CTDP1: variants seen among roughly 807,000 people sequenced by gnomAD.
CTDP1 encodes the protein RNA polymerase II subunit A C-terminal domain phosphatase.
CTDP1 carries 47 observed loss-of-function variants against 91.8 expected under a neutral mutation model. The ratio of observed to expected loss-of-function variants is 0.51; its 90% CI spans 0.41 to 0.65. The LOEUF (loss-of-function observed/expected upper bound fraction) is 0.65, where lower values mean the gene tolerates loss of function less well. Ranked by LOEUF, CTDP1 falls within the 30% of genes least tolerant of loss-of-function variation. The probability of loss-of-function intolerance (pLI) is 0.00; values close to 1 mark genes in which losing one functional copy is unlikely to be tolerated. For synonymous variants in CTDP1, 656 were observed against 598.5 expected (o/e 1.10, Z -1.40); for missense variants, 1,272 against 1,373.7 (o/e 0.93, Z 1.17).
chr18:79,712,931 TTCATTA>T, intron 6 of CTDP1, 35 bp from the exon 7 acceptor site: 1 of 1,602,170 alleles, frequency 6.2e-7, no homozygotes. Flanking sequence ...ACTACAACTT[TTCATTA>T]TTATTTTTTG....
At chr18:79,707,448 A>G (rs138234071) in intron 5 of CTDP1, among the ~76,000 whole-genome samples, 1 of 152,224 alleles carries the variant, frequency 6.6e-6, no homozygotes, top group Non-Finnish European at 1.5e-5. Context: ...GGCTGCGGAG[A>G]GCCTCGAGCG....
rs113609324 is a variant in CTDP1 at position 79,727,130 on chromosome 18, C to T, written c.2418-1777C>T. Among the ~76,000 whole-genome samples the T allele has an allele frequency of 5.5e-3, 842 of 152,284 alleles. 6 individuals are homozygous for T. Among genetic ancestry groups the T allele is most frequent in the African/African-American group, 0.019 (790 of 41,552 alleles). On this transcript the variant is annotated intron_variant, in intron 10 of 12. Transcript: ENST00000613122. The stretch of plus-strand genomic sequence containing the variant: ...GCCGGTGGGGTTGGATGTCAGGCTC[C>T]TCCATGGCCTTCTCTGAGACCCCAG...
chr18:79,688,725 A>G (rs1180295828), intron 1 of CTDP1, among the ~76,000 whole-genome samples: 2 of 150,626 alleles, frequency 1.3e-5, no homozygotes, highest in Admixed American at 6.6e-5. Context: ...TTGTATTTTT[A>G]GTAGAGACGA....
chr18:79,692,755 C>T (rs1198337468), intron 1 of CTDP1, among the ~76,000 whole-genome samples: 4 of 152,188 alleles, frequency 2.6e-5, no homozygotes, highest in African/African-American at 9.6e-5. Flanking sequence ...GAGCTGGTGT[C>T]CTGTGTGGGG....
intron 10 of CTDP1, among the ~76,000 whole-genome samples, chr18:79,726,860 C>T (rs1281297252): frequency 4.7e-5 from 2 of 42,952 alleles, no homozygotes; most frequent in African/African-American, 6.1e-5. Context: ...TGCTGGTGGA[C>T]TGCTGTGGGG....
intron 10 of CTDP1, among the ~76,000 whole-genome samples, chr18:79,718,297 G>A (rs532761554): frequency 5.3e-5 from 8 of 152,292 alleles, no homozygotes; most frequent in Non-Finnish European, 7.4e-5. Context: ...TGGCCGCCCC[G>A]CAGAGCACTC....
chr18:79,719,203 T>A (rs928865841), intron 10 of CTDP1, among the ~76,000 whole-genome samples: 10 of 152,212 alleles, frequency 6.6e-5, no homozygotes, highest in Non-Finnish European at 1.2e-4. Context: ...GATTGTGTTT[T>A]GTCTTTTACG....
At chr18:79,689,610 A>G (rs980118270) in intron 1 of CTDP1, among the ~76,000 whole-genome samples, 1 of 152,052 alleles carries the variant, frequency 6.6e-6, no homozygotes, top group Non-Finnish European at 1.5e-5. Flanking sequence ...ATATGGTGAA[A>G]CCCCATCTCT....
intron 3 of CTDP1, 92 bp from the exon 4 acceptor site, chr18:79,697,768 T>G: frequency 7.1e-6 from 11 of 1,547,142 alleles, no homozygotes; most frequent in South Asian, 4.5e-5. Flanking sequence ...GGGGAACACA[T>G]TGATATAGTT....
chr18:79,741,600 A>G (rs1228215049), intron 12 of CTDP1, among the ~76,000 whole-genome samples: 1 of 152,224 alleles, frequency 6.6e-6, no homozygotes, highest in Non-Finnish European at 1.5e-5. Context: ...TAAACAGGAA[A>G]GGAAAACAGC....
intron 1 of CTDP1, among the ~76,000 whole-genome samples, chr18:79,686,956 C>T (rs1276084509): frequency 1.4e-5 from 2 of 143,680 alleles, no homozygotes; most frequent in Admixed American, 1.4e-4. Context: ...GGGCCTGCAC[C>T]GCAGCAGTTG....
intron 1 of CTDP1, among the ~76,000 whole-genome samples, chr18:79,684,497 A>G (rs1359411969): frequency 2.0e-5 from 3 of 152,168 alleles, no homozygotes; most frequent in Admixed American, 2.0e-4. Context: ...CCAGCCAGGC[A>G]GGGTGGGTCC....
intron 12 of CTDP1, 66 bp from the exon 13 acceptor site, chr18:79,753,586 A>C (rs2087042761): frequency 6.2e-7 from 1 of 1,613,122 alleles, no homozygotes; most frequent in African/African-American, 1.3e-5. Context: ...CCAAATGCAG[A>C]CCAGGCGGTG....
upstream of CTDP1, chr18:79,679,294 A>ACACGAGGCGGGGC (rs1181429994): frequency 2.2e-5 from 9 of 408,272 alleles, no homozygotes; most frequent in African/African-American, 1.8e-4. Context: ...CCGGGGGGGG[A>ACACGAGGCGGGGC]CACGAGGCGG....
At chr18:79,701,901 C>T (rs181784937) in intron 4 of CTDP1, among the ~76,000 whole-genome samples, 8 of 152,302 alleles carry the variant, frequency 5.3e-5, no homozygotes, top group Non-Finnish European at 8.8e-5. Flanking sequence ...GACTGAACTG[C>T]GGCAACTTCA....
At chr18:79,729,595 A>G (rs933388840) in intron 11 of CTDP1, among the ~76,000 whole-genome samples, 13 of 152,330 alleles carry the variant, frequency 8.5e-5, no homozygotes, top group African/African-American at 3.1e-4. Flanking sequence ...TTTAGGCAGC[A>G]TCGGTGGAGC....
chr18:79,737,216 C>T (rs2086688344), intron 12 of CTDP1, among the ~76,000 whole-genome samples: 1 of 152,248 alleles, frequency 6.6e-6, no homozygotes. Context: ...TCAGTGTTTT[C>T]TGCATTGCCG....
chr18:79,680,183 C>A lies in CTDP1; in HGVS notation c.236C>A (p.Pro79Gln). ...GGGGGCTGCGTGCGCCCCGCGCGGC[C>A]GGAACGCAGGCTGAGGTCGGAGCGC... ...ASGGCVRPAR[P>Q]ERRLRSERAG... Residue 79 changes from proline (P) to glutamine (Q), a missense_variant, in exon 1 of 13, where the codon CCG (proline) becomes CAG (glutamine). By Grantham distance (76) the Pro-to-Gln change is moderately conservative. Transcript: ENST00000613122. 7.2e-7 allele frequency: 1 copy of A among 1,383,014 alleles called. No homozygotes were observed. The highest frequency in any genetic ancestry group is 9.3e-7 in the Non-Finnish European group (1 of 1,074,508). The allele number at this position is 1,383,014 out of a possible 1,614,324, so 85.7% of individuals were successfully genotyped here. A position where few individuals can be genotyped will look rare whatever the true frequency, so the allele number is the denominator to read the frequency against.
intron 4 of CTDP1, among the ~76,000 whole-genome samples, chr18:79,704,162 C>T (rs1367706937): frequency 1.3e-5 from 2 of 152,204 alleles, no homozygotes; most frequent in Admixed American, 6.5e-5. Context: ...TCACTCGTAC[C>T]GCGTGCATGG....
Sources: gnomAD v4.1 joint callset for allele counts (sites outside exome capture counted in the v4.1 genomes callset) on GRCh38, gnomAD v4.1.1 for gene constraint, MANE v1.5 for transcripts, NCBI Gene and HGNC (gene_info 2026-07-23, HGNC 2026-07-21) for gene names.